The following FLI1 variants were observed in gnomAD, a reference collection of about 807,000 sequenced individuals.
FLI1 encodes Friend leukemia integration 1 transcription factor.
FLI1 carries 13 observed loss-of-function variants against 53.1 expected under a neutral mutation model. The observed-to-expected ratio is 0.24, with a 90% CI of 0.16 to 0.39. The LOEUF is 0.39. Ranked by LOEUF, FLI1 falls within the 10% of genes least tolerant of loss-of-function variation. The pLI, the probability that FLI1 is intolerant of heterozygous loss-of-function variation, is 1.00. For missense variants in FLI1, 424 were observed against 600.5 expected (o/e 0.71, Z 3.07); for synonymous variants, 244 against 236.7 (o/e 1.03, Z -0.28).
rs148738652 is a variant in FLI1 at position 128,800,206 on chromosome 11, G to A, written c.656-5160G>A. 3.3e-3 allele frequency among the ~76,000 whole-genome samples: 509 copies of A among 152,278 alleles called. 1 individual carries two copies. Among genetic ancestry groups the A allele is most frequent in the African/African-American group, 0.012 (489 of 41,550 alleles). ...GCATGAGCAGCCTTGCCCATTGCTC[G>A]GCTGAAAGGTCTGCATTCAGAAGCC... On this transcript the variant is annotated intron_variant, in intron 5 of 8. Coordinates refer to ENST00000527786, the MANE Select transcript of FLI1 (RefSeq NM_002017.5).
At chr11:128,686,749 C>G (rs1002783340) in intron 1 of FLI1, 3 of 310,438 alleles carry the variant, frequency 9.7e-6, no homozygotes, top group African/African-American at 4.4e-5. Context: ...CCAGCTTCTA[C>G]CCCACCCGGG....
intron 5 of FLI1, among the ~76,000 whole-genome samples, chr11:128,784,486 G>A (rs558221310): frequency 7.9e-5 from 12 of 152,204 alleles, no homozygotes; most frequent in South Asian, 4.1e-4. Context: ...AGGTGGTGCC[G>A]GCATTTATCT....
intron 1 of FLI1, among the ~76,000 whole-genome samples, chr11:128,756,489 C>A (rs942842957): frequency 3.3e-5 from 5 of 152,156 alleles, no homozygotes; most frequent in African/African-American, 1.2e-4. Flanking sequence ...CTGAGTACTG[C>A]GGGTAAGGGC....
In FLI1 at chr11:128,722,707, G is replaced by C. The variant is rs554632099; in HGVS notation, c.18+28431G>C. Among the ~76,000 whole-genome samples the C allele has an allele frequency of 8.5e-5, 13 of 152,340 alleles. 1 individual carries two copies. In the South Asian group the frequency reaches 2.7e-3, roughly 32 times the overall value. On this transcript the variant is annotated intron_variant, in intron 1 of 8. Coordinates refer to ENST00000527786, the MANE Select transcript of FLI1 (RefSeq NM_002017.5). Reference sequence around the variant, plus strand: ...GTGGATTAATATTGCTAGATCAGGAGCTACTCAGATGAGGTAAAGTCCCTT... The same window carrying C: ...GTGGATTAATATTGCTAGATCAGGACCTACTCAGATGAGGTAAAGTCCCTT...
At chr11:128,771,352 G>A (rs1941548775) in intron 3 of FLI1, among the ~76,000 whole-genome samples, 1 of 152,184 alleles carries the variant, frequency 6.6e-6, no homozygotes, top group Non-Finnish European at 1.5e-5. Flanking sequence ...GGCAGGGCCT[G>A]GGCACTTTAC....
chr11:128,712,507 G>A lies in FLI1; in HGVS notation c.18+18231G>A, dbSNP rs916669774. Among the ~76,000 whole-genome samples, 5 of 152,236 alleles carry A rather than the reference G, an allele frequency of 3.3e-5. No homozygotes were observed. In the East Asian group the frequency reaches 7.7e-4, roughly 23 times the overall value. ...GCTGGTAAAGATATACCCGAGATGG[G>A]GCAATTTATAAAAGAAAGAAAGAGG... On this transcript the variant is annotated intron_variant, in intron 1 of 8. Coordinates refer to ENST00000527786, the MANE Select transcript of FLI1 (RefSeq NM_002017.5).
chr11:128,692,383 A>C (rs1565449812), upstream of FLI1, among the ~76,000 whole-genome samples: 1 of 152,002 alleles, frequency 6.6e-6, no homozygotes, highest in East Asian at 1.9e-4. Context: ...AGACCCCTGG[A>C]TTGAGAAGCA....
chr11:128,689,395 T>A (rs1324644636), upstream of FLI1, among the ~76,000 whole-genome samples: 1 of 152,132 alleles, frequency 6.6e-6, no homozygotes, highest in African/African-American at 2.4e-5. Context: ...TCCTCCTTTT[T>A]TTCTCCTTGT....
At chr11:128,794,961 A>G (rs1049320372) in intron 5 of FLI1, among the ~76,000 whole-genome samples, 1 of 152,204 alleles carries the variant, frequency 6.6e-6, no homozygotes, top group Non-Finnish European at 1.5e-5. Flanking sequence ...CTGTGGTCCC[A>G]ACTATTTGGG....
intron 4 of FLI1, among the ~76,000 whole-genome samples, chr11:128,778,732 G>C (rs1431589325): frequency 6.6e-6 from 1 of 152,226 alleles, no homozygotes; most frequent in Non-Finnish European, 1.5e-5. Flanking sequence ...CTGATGTGCT[G>C]GCATCGGGAA....
intron 7 of FLI1, among the ~76,000 whole-genome samples, chr11:128,808,128 G>A (rs1364949599): frequency 6.6e-6 from 1 of 152,122 alleles, no homozygotes; most frequent in Non-Finnish European, 1.5e-5. Context: ...GAGTTTTAAA[G>A]ACTGTCCAAT....
intron 1 of FLI1, among the ~76,000 whole-genome samples, chr11:128,713,628 A>C (rs1434645844): frequency 6.6e-6 from 1 of 152,048 alleles, no homozygotes; most frequent in Non-Finnish European, 1.5e-5. Context: ...AAAAAAAAAA[A>C]CAGTTATTGA....
intron 4 of FLI1, among the ~76,000 whole-genome samples, chr11:128,780,452 G>A (rs925594035): frequency 3.3e-5 from 5 of 152,132 alleles, no homozygotes; most frequent in Admixed American, 6.5e-5. Context: ...AAAATTAGCC[G>A]AGCATGGTGG....
chr11:128,751,596 G>A (rs899485007), intron 1 of FLI1, among the ~76,000 whole-genome samples: 6 of 151,426 alleles, frequency 4.0e-5, no homozygotes, highest in African/African-American at 9.7e-5. Flanking sequence ...GTGTGATCTC[G>A]GCTCACTGCA....
chr11:128,768,801 A>C (rs1941449147), intron 3 of FLI1, among the ~76,000 whole-genome samples: 1 of 152,164 alleles, frequency 6.6e-6, no homozygotes, highest in Admixed American at 6.5e-5. Flanking sequence ...CCCACCCTTA[A>C]ACAGACCACA....
chr11:128,743,541 C>T (rs965971730), intron 1 of FLI1, among the ~76,000 whole-genome samples: 1 of 152,126 alleles, frequency 6.6e-6, no homozygotes, highest in Non-Finnish European at 1.5e-5. Context: ...GCATGTCCAC[C>T]TGGTAGGTTA....
In FLI1 at chr11:128,805,428, A is replaced by C; in HGVS notation, c.718A>C (p.Lys240Gln). ...WGNNMNSGLN[K>Q]SPPLGGAQTI... ...CAATAACATGAATTCTGGCCTCAAC[A>C]AAAGTAAGTAAATGTTTTATAGTTC... Residue 240 changes from lysine (K) to glutamine (Q), a missense_variant, in exon 6 of 9, where the codon AAA becomes CAA. Physicochemically the swap from Lys to Gln is moderately conservative, Grantham distance 53 (BLOSUM62 1). Coordinates refer to ENST00000527786, the MANE Select transcript of FLI1 (RefSeq NM_002017.5). 1 of 1,558,200 alleles carries C rather than the reference A, an allele frequency of 6.4e-7. No homozygotes were observed. The highest frequency in any genetic ancestry group is 8.8e-7 in the Non-Finnish European group (1 of 1,142,726).
chr11:128,749,987 A>G (rs1354904840), intron 1 of FLI1, among the ~76,000 whole-genome samples: 6 of 152,252 alleles, frequency 3.9e-5, no homozygotes, highest in Non-Finnish European at 8.8e-5. Context: ...GGTTTCCCAA[A>G]GCAGAGAACA....
intron 1 of FLI1, among the ~76,000 whole-genome samples, chr11:128,700,613 C>T (rs1388893891): frequency 6.6e-6 from 1 of 152,158 alleles, no homozygotes; most frequent in African/African-American, 2.4e-5. Flanking sequence ...GTGGCTCATG[C>T]CTGTAATCCC....
Sources: gnomAD v4.1 joint callset for allele counts (sites outside exome capture counted in the v4.1 genomes callset) on GRCh38, gnomAD v4.1.1 for gene constraint, MANE v1.5 for transcripts, NCBI Gene and HGNC (gene_info 2026-07-23, HGNC 2026-07-21) for gene names.